SMS: variants seen among roughly 807,000 people sequenced by gnomAD.
SMS encodes spermidine aminopropyltransferase.
Under a neutral mutation model 33.0 loss-of-function variants are expected in SMS, and 3 were observed. The observed-to-expected ratio is 0.09, with a 90% CI of 0.04 to 0.23. SMS has a LOEUF of 0.23. SMS is among the 10% of genes least tolerant of loss of function. The pLI, the probability that SMS is intolerant of heterozygous loss-of-function variation, is 1.00. For missense variants in SMS, 117 were observed against 288.6 expected, an observed-to-expected ratio of 0.41 and a Z score of 4.31; for synonymous variants, 103 against 112.2, an observed-to-expected ratio of 0.92 and a Z score of 0.52.
intron 1 of SMS, among the ~76,000 whole-genome samples, chrX:21,952,749 G>GT (rs199556585): frequency 9.2e-6 from 1 of 108,729 alleles, no homozygotes; most frequent in Admixed American, 9.9e-5. Context: ...TTTCTGGAGT[G>GT]TTTTTTTTCT....
At chrX:21,967,833 C>G (rs761692074) in intron 2 of SMS, among the ~76,000 whole-genome samples, 1 of 112,498 alleles carries the variant, frequency 8.9e-6, no homozygotes, top group Non-Finnish European at 1.9e-5. Context: ...CGGGCAGGAT[C>G]GCTCACTGGG....
intron 2 of SMS, among the ~76,000 whole-genome samples, chrX:21,970,591 C>A (rs933275963): frequency 1.8e-5 from 2 of 110,027 alleles, no homozygotes; most frequent in African/African-American, 6.6e-5. Flanking sequence ...TTTATAGAGA[C>A]AGGGTCTCAC....
intron 9 of SMS, 142 bp downstream of exon 9, chrX:21,985,365 C>T (rs1032782862): frequency 2.7e-5 from 12 of 440,933 alleles, no homozygotes; most frequent in South Asian, 5.7e-5. Flanking sequence ...TAAGCTTCTA[C>T]GTTGACCTGT....
intron 9 of SMS, among the ~76,000 whole-genome samples, chrX:21,985,800 C>G (rs866269937): frequency 1.8e-5 from 2 of 111,450 alleles, no homozygotes; most frequent in African/African-American, 6.5e-5. Context: ...AAAATCCCCT[C>G]CGCCATTTTT....
intron 4 of SMS, among the ~76,000 whole-genome samples, chrX:21,974,199 A>AT (rs1256786752): frequency 1.8e-5 from 2 of 112,781 alleles, no homozygotes; most frequent in Non-Finnish European, 3.7e-5. Flanking sequence ...ATTACTCAGC[A>AT]TGCTAAGTTT....
chrX:21,979,821 C>T (rs1359484686), intron 7 of SMS, among the ~76,000 whole-genome samples: 1 of 109,407 alleles, frequency 9.1e-6, no homozygotes, highest in East Asian at 2.8e-4. Context: ...CTCCCACCAA[C>T]AGTATAAAAG....
intron 1 of SMS, 190 bp downstream of exon 1, chrX:21,941,063 C>T (rs1023383620): frequency 8.7e-6 from 1 of 114,629 alleles, no homozygotes; most frequent in African/African-American, 3.2e-5. Flanking sequence ...GGGCGGAGGC[C>T]GCGCTCCTGC....
At chrX:21,951,359 T>G (rs889567174) in intron 1 of SMS, among the ~76,000 whole-genome samples, 12 of 112,410 alleles carry the variant, frequency 1.1e-4, no homozygotes, top group Admixed American at 2.8e-4. Flanking sequence ...ATGGGTAGAT[T>G]GCAAAAATGT....
intron 1 of SMS, among the ~76,000 whole-genome samples, chrX:21,963,005 A>G (rs1042191876): frequency 1.8e-5 from 2 of 111,572 alleles, no homozygotes; most frequent in Admixed American, 9.5e-5. Flanking sequence ...ACTGGTCTAG[A>G]TGTTTTTGAA....
intron 2 of SMS, among the ~76,000 whole-genome samples, chrX:21,971,630 C>T (rs1302063718): frequency 8.9e-6 from 1 of 112,246 alleles, no homozygotes; most frequent in Admixed American, 9.4e-5. Flanking sequence ...ACCAGATTCA[C>T]AGAACTGCTA....
chrX:21,958,088 T>G (rs188546686), intron 1 of SMS, among the ~76,000 whole-genome samples: 76 of 112,014 alleles, frequency 6.8e-4, no homozygotes, highest in African/African-American at 2.4e-3. Context: ...ATTATTTCTT[T>G]GGCTGTGCAG....
intron 1 of SMS, among the ~76,000 whole-genome samples, chrX:21,961,456 C>T (rs150731823): frequency 8.8e-4 from 97 of 110,638 alleles, no homozygotes; most frequent in African/African-American, 3.0e-3. Flanking sequence ...AGCAGTTGCA[C>T]GGGAGGCAGG....
At chrX:21,943,151 A>G (rs1034878584) in intron 1 of SMS, among the ~76,000 whole-genome samples, 10 of 111,117 alleles carry the variant, frequency 9.0e-5, no homozygotes, top group African/African-American at 2.6e-4. Flanking sequence ...CGGTGTGTCC[A>G]TGGGTTTTCT....
At chrX:21,964,762 T>G (rs2147505307) in intron 1 of SMS, among the ~76,000 whole-genome samples, 1 of 112,318 alleles carries the variant, frequency 8.9e-6, no homozygotes, top group East Asian at 2.8e-4. Context: ...ATGTTTTCAC[T>G]GCCACTTTTA....
At chrX:21,942,235 TTC>T (rs1467960793) in intron 1 of SMS, among the ~76,000 whole-genome samples, 1 of 111,150 alleles carries the variant, frequency 9.0e-6, no homozygotes, top group Admixed American at 9.6e-5. Flanking sequence ...CTTTCTGAAT[TTC>T]TGAGTACTCA....
intron 9 of SMS, among the ~76,000 whole-genome samples, chrX:21,985,471 C>T (rs966110818): frequency 1.2e-4 from 13 of 111,175 alleles, no homozygotes; most frequent in African/African-American, 4.3e-4. Context: ...TTCTTTTTTC[C>T]CCTCCCCTCA....
chrX:21,988,662 C>CAAAAAAAAAAAAAAAAAAAAAAAAAAA (rs199561897), intron 9 of SMS, among the ~76,000 whole-genome samples: 4 of 66,144 alleles, frequency 6.0e-5, no homozygotes, highest in Non-Finnish European at 8.5e-5. Flanking sequence ...GACTCTGTCT[C>CAAAAAAAAAAAAAAAAAAAAAAAAAAA]AAAAAAAAAA....
intron 1 of SMS, among the ~76,000 whole-genome samples, chrX:21,945,392 T>G (rs1194267925): frequency 9.0e-6 from 1 of 111,532 alleles, no homozygotes; most frequent in African/African-American, 3.3e-5. Context: ...CAAGGAGATT[T>G]GTGTCGCTCA....
At chrX:21,993,173 T>C (rs1161980869) in intron 10 of SMS, among the ~76,000 whole-genome samples, 1 of 112,220 alleles carries the variant, frequency 8.9e-6, no homozygotes, top group Admixed American at 9.5e-5. Context: ...TAGTCTAAAA[T>C]AACCACCCTA....
Sources: allele counts gnomAD v4.1 joint callset (sites outside exome capture counted in the v4.1 genomes callset), GRCh38; gene constraint gnomAD v4.1.1; transcripts MANE v1.5; gene names NCBI Gene and HGNC (gene_info 2026-07-23, HGNC 2026-07-21).